Variants in HIPK2 observed in about 807,000 individuals in gnomAD.
The protein encoded by HIPK2 is homeodomain interacting protein kinase 2.
In HIPK2, 27 loss-of-function variants were observed where a neutral mutation model predicts 113.7. That is an observed-to-expected ratio of 0.24 (90% confidence interval 0.17 to 0.33). The LOEUF (loss-of-function observed/expected upper bound fraction) is 0.33, where lower values mean the gene tolerates loss of function less well. HIPK2 is among the 10% of genes least tolerant of loss of function. The probability of loss-of-function intolerance (pLI) is 1.00; values close to 1 mark genes in which losing one functional copy is unlikely to be tolerated. For synonymous variants in HIPK2, 631 were observed against 642.2 expected, an observed-to-expected ratio of 0.98 and a Z score of 0.26; for missense variants, 1,257 against 1,588.0, an observed-to-expected ratio of 0.79 and a Z score of 3.54.
chr7:139,731,111 A>G (rs1021799355), intron 1 of HIPK2, among the ~76,000 whole-genome samples: 13 of 152,208 alleles, frequency 8.5e-5, no homozygotes, highest in African/African-American at 3.1e-4. Context: ...ACCCTATGAA[A>G]CTAGTACCCT....
At chr7:139,753,992 C>T (rs926852106) in intron 1 of HIPK2, among the ~76,000 whole-genome samples, 2 of 152,248 alleles carry the variant, frequency 1.3e-5, no homozygotes, top group Admixed American at 1.3e-4. Context: ...GCAGCCCTGC[C>T]TGTGGGGCTT....
chr7:139,647,278 T>G (rs912899292), intron 2 of HIPK2, among the ~76,000 whole-genome samples: 1 of 152,090 alleles, frequency 6.6e-6, no homozygotes, highest in Admixed American at 6.6e-5. Context: ...CTGCAGACAT[T>G]GGGTGTCATT....
Position 139,573,140 on chromosome 7 carries a change from G to C in HIPK2, c.3384C>G (p.Arg1128=), listed in dbSNP as rs1798360829. The change falls in exon 15 of 15, where the codon CGC becomes CGG. Residue 1128 remains arginine, a synonymous_variant. Coordinates refer to ENST00000406875, the MANE Select transcript of HIPK2 (RefSeq NM_022740.5). ...AHLVASQGSA[R]HTVQHTAYPA... ...GGTAGGCAGTGTGCTGCACGGTGTG[G>C]CGCGCAGAGCCTTGCGAGGCCACCA... 7 of 1,611,634 alleles carry C rather than the reference G, an allele frequency of 4.3e-6. No homozygotes were observed. Among genetic ancestry groups the C allele is most frequent in the Non-Finnish European group, 5.1e-6 (6 of 1,179,342 alleles).
At chr7:139,574,997 G>C (rs892187603) in intron 14 of HIPK2, 131 bp downstream of exon 14, 1 of 1,246,008 alleles carries the variant, frequency 8.0e-7, no homozygotes, top group African/African-American at 1.5e-5. Context: ...CCAAGGGCAT[G>C]TGCTGCCACC....
chr7:139,682,319 G>C (rs1802733693), intron 2 of HIPK2, among the ~76,000 whole-genome samples: 12 of 152,118 alleles, frequency 7.9e-5, no homozygotes, highest in Admixed American at 7.2e-4. Flanking sequence ...TTGGCACCAG[G>C]AACACTGGGT....
At position 139,714,306 on chromosome 7, in the gene HIPK2, ACCT is replaced by A. The variant is rs1795155478; in HGVS notation, c.1103+1623_1103+1625del. Reference sequence around the variant, plus strand: ...ACAGCATGGGTGAAGAGGCCTCGAAACCTCCTGTGTGAGTCAGGATTAGGATGA... The same window carrying A: ...ACAGCATGGGTGAAGAGGCCTCGAAACCTGTGTGAGTCAGGATTAGGATGA... On this transcript the variant is annotated intron_variant, in intron 2 of 14. Transcript: ENST00000406875. This position sits in a 1 kb window ranked among gnomAD's most constrained non-coding sequence, Gnocchi z 4.2. Among the ~76,000 whole-genome samples the A allele has an allele frequency of 6.6e-6, 1 of 152,126 alleles. No individual in the cohort carries two copies. Among genetic ancestry groups the A allele is most frequent in the South Asian group, 2.1e-4 (1 of 4,826 alleles).
chr7:139,769,244 C>T (rs559360070), intron 1 of HIPK2, among the ~76,000 whole-genome samples: 216 of 148,502 alleles, frequency 1.5e-3, no homozygotes, highest in Non-Finnish European at 1.8e-3. Context: ...CCCAACTCCA[C>T]GGCCGCAGTG....
chr7:139,752,934 C>T (rs1399871190), intron 1 of HIPK2, among the ~76,000 whole-genome samples: 2 of 152,120 alleles, frequency 1.3e-5, no homozygotes, highest in African/African-American at 2.4e-5. Flanking sequence ...AGGTGACAAA[C>T]GAGGCAGAAA....
Position 139,626,678 on chromosome 7 carries a change from C to T in HIPK2, c.1542G>A (p.Lys514=), listed in dbSNP as rs778529829. Residue 514 remains lysine (K), a synonymous_variant, in exon 6 of 15, where the codon AAG becomes AAA. Transcript: ENST00000406875. ...TCAGGGTTTCGATTGGAGTGATTCT[C>T]TTGTCAGCATCAATGGTCAGCATCT... ...LKKMLTIDAD[K]RITPIETLNH... 30 of 1,613,838 alleles carry T rather than the reference C, an allele frequency of 1.9e-5. No individual in the cohort carries two copies. In the Middle Eastern group the frequency reaches 4.9e-4, roughly 27 times the overall value.
At chr7:139,603,996 G>C in intron 10 of HIPK2, 85 bp downstream of exon 10, 1 of 1,579,968 alleles carries the variant, frequency 6.3e-7, no homozygotes, top group Non-Finnish European at 8.7e-7. Flanking sequence ...TTGAAGTACA[G>C]GCCAGCCTGG....
intron 2 of HIPK2, among the ~76,000 whole-genome samples, chr7:139,692,992 C>T (rs554821552): frequency 7.2e-5 from 11 of 152,268 alleles, no homozygotes; most frequent in African/African-American, 2.4e-4. Context: ...GATGGGAACA[C>T]GACATTAGAA....
intron 1 of HIPK2, among the ~76,000 whole-genome samples, chr7:139,761,370 T>A (rs1477369278): frequency 6.6e-6 from 1 of 152,226 alleles, no homozygotes; most frequent in Non-Finnish European, 1.5e-5. Flanking sequence ...AAAGTGTAAC[T>A]GGACGATGGT....
chr7:139,643,319 A>G (rs1801091156), intron 2 of HIPK2, among the ~76,000 whole-genome samples: 1 of 152,100 alleles, frequency 6.6e-6, no homozygotes, highest in South Asian at 2.1e-4. Flanking sequence ...TGTTAGAATC[A>G]GATTGGCGGT....
At chr7:139,764,283 GCTCACAGGAAC>G (rs1796517693) in intron 1 of HIPK2, among the ~76,000 whole-genome samples, 1 of 152,156 alleles carries the variant, frequency 6.6e-6, no homozygotes, top group South Asian at 2.1e-4. Flanking sequence ...ATGACCAGAG[GCTCACAGGAAC>G]CTAACTCTGT....
intron 2 of HIPK2, among the ~76,000 whole-genome samples, chr7:139,651,830 G>T (rs7781224): frequency 0.82 from 124,897 of 152,166 alleles, 51,789 homozygotes; most frequent in African/African-American, 0.88. Context: ...TGAACTTTAA[G>T]AGGAGAGATC....
chr7:139,687,746 G>A (rs1054530991), intron 2 of HIPK2, among the ~76,000 whole-genome samples: 5 of 152,174 alleles, frequency 3.3e-5, no homozygotes, highest in Non-Finnish European at 7.3e-5. Context: ...GCACACCTCA[G>A]GCAGTACAGG....
In HIPK2 at chr7:139,599,972, C is replaced by T. The variant is rs183647538; in HGVS notation, c.2435+445G>A. Among the ~76,000 whole-genome samples the T allele has an allele frequency of 5.5e-3, 839 of 152,238 alleles. 3 individuals are homozygous for T. The highest frequency in any genetic ancestry group is 9.5e-3 in the Non-Finnish European group (648 of 68,012). Reference sequence around the variant, plus strand: ...ATCACCCTCGATATCTGATGAGGTTCCTCATCCTCCAGGTGTGATATCTGA... The same window carrying T: ...ATCACCCTCGATATCTGATGAGGTTTCTCATCCTCCAGGTGTGATATCTGA... On this transcript the variant is annotated intron_variant, in intron 11 of 14. Transcript: ENST00000406875.
rs1280540575 is a variant in HIPK2 at position 139,572,848 on chromosome 7, C to A, written c.*79G>T. 7.0e-6 allele frequency: 9 copies of A among 1,288,866 alleles called. No individual in the cohort carries two copies. Among genetic ancestry groups the A allele is most frequent in the Non-Finnish European group, 9.3e-6 (9 of 971,224 alleles). The allele number at this position is 1,288,866 out of a possible 1,614,324, so 79.8% of individuals were successfully genotyped here. A position where few individuals can be genotyped will look rare whatever the true frequency, so the allele number is the denominator to read the frequency against. On this transcript the variant is annotated 3_prime_UTR_variant, in exon 15 of 15. Coordinates refer to ENST00000406875, the MANE Select transcript of HIPK2 (RefSeq NM_022740.5). Reference sequence around the variant, plus strand: ...TATAAAAGGCCAGCGCCCACGGTCCCAGGAGCGCCTCCCTCCTTCTCTCCC... The same window carrying A: ...TATAAAAGGCCAGCGCCCACGGTCCAAGGAGCGCCTCCCTCCTTCTCTCCC...
At chr7:139,637,824 A>C (rs1390582391) in intron 2 of HIPK2, among the ~76,000 whole-genome samples, 1 of 152,202 alleles carries the variant, frequency 6.6e-6, no homozygotes, top group Non-Finnish European at 1.5e-5. Flanking sequence ...TGCAGCAATC[A>C]AGGTTTGGGC....
Sources: allele counts gnomAD v4.1 joint callset (sites outside exome capture counted in the v4.1 genomes callset), GRCh38; gene constraint gnomAD v4.1.1; non-coding constraint Gnocchi (gnomAD v3.1); transcripts MANE v1.5; gene names NCBI Gene and HGNC (gene_info 2026-07-23, HGNC 2026-07-21).